Variants in TENM4 observed in about 807,000 individuals in gnomAD.
The protein encoded by TENM4 is teneurin transmembrane protein 4, also known as teneurin-4.
In TENM4, 82 loss-of-function variants were observed where a neutral mutation model predicts 243.3. The observed-to-expected ratio is 0.34, with a 90% CI of 0.28 to 0.40. TENM4 has a LOEUF of 0.40. Among genes scored for constraint, TENM4 ranks in the 10% least tolerant of loss-of-function variants. The pLI, the probability that TENM4 is intolerant of heterozygous loss-of-function variation, is 1.00. For synonymous variants in TENM4, 1,412 were observed against 1,456.3 expected (o/e 0.97, Z 0.69); for missense variants, 3,138 against 3,673.3 (o/e 0.85, Z 3.77).
At chr11:79,117,183 T>C (rs1861639687) in intron 4 of TENM4, among the ~76,000 whole-genome samples, 1 of 152,214 alleles carries the variant, frequency 6.6e-6, no homozygotes, top group South Asian at 2.1e-4. Context: ...ACTTTAGCAG[T>C]AACCACCCCA....
chr11:78,982,659 C>T (rs1220534912), intron 6 of TENM4, among the ~76,000 whole-genome samples: 1 of 152,206 alleles, frequency 6.6e-6, no homozygotes, highest in East Asian at 1.9e-4. Flanking sequence ...CCAGCTGCAA[C>T]ATCCAACAAT....
chr11:78,876,628 G>T (rs1401660599), intron 9 of TENM4, among the ~76,000 whole-genome samples: 1 of 152,336 alleles, frequency 6.6e-6, no homozygotes, highest in Middle Eastern at 3.4e-3. Flanking sequence ...TCAAACTCCA[G>T]TAATATACCT....
At chr11:79,422,963 C>T (rs1379044099) in intron 1 of TENM4, among the ~76,000 whole-genome samples, 1 of 152,184 alleles carries the variant, frequency 6.6e-6, no homozygotes, top group East Asian at 1.9e-4. Context: ...CCATTTGAAT[C>T]AGAGGGAATT....
intron 6 of TENM4, among the ~76,000 whole-genome samples, chr11:79,001,427 A>G (rs1217308046): frequency 3.3e-5 from 5 of 152,110 alleles, no homozygotes; most frequent in African/African-American, 1.2e-4. Context: ...TTGAACAGGC[A>G]AGGAATGGCA....
At chr11:78,907,290 G>C (rs954054877) in intron 6 of TENM4, among the ~76,000 whole-genome samples, 2 of 150,230 alleles carry the variant, frequency 1.3e-5, no homozygotes, top group South Asian at 2.1e-4. Context: ...GGAAGACAGA[G>C]GTGAGAGGCT....
At chr11:78,733,130 ATT>A (rs980958935) in intron 20 of TENM4, among the ~76,000 whole-genome samples, 14 of 152,222 alleles carry the variant, frequency 9.2e-5, no homozygotes, top group African/African-American at 3.1e-4. Flanking sequence ...ATTGTGATAG[ATT>A]ACTCAACAAA....
intron 2 of TENM4, among the ~76,000 whole-genome samples, chr11:79,294,351 G>A (rs1434453316): frequency 2.0e-5 from 3 of 152,132 alleles, no homozygotes; most frequent in African/African-American, 4.8e-5. Context: ...TACCAGCCCC[G>A]TTATTGACTT....
chr11:78,928,840 T>G (rs1301469030), intron 6 of TENM4, among the ~76,000 whole-genome samples: 2 of 152,204 alleles, frequency 1.3e-5, no homozygotes, highest in Non-Finnish European at 2.9e-5. Context: ...AAAGTCTCAT[T>G]TCACTTTTCT....
At chr11:79,100,169 G>T (rs1194653502) in intron 4 of TENM4, among the ~76,000 whole-genome samples, 15 of 152,176 alleles carry the variant, frequency 9.9e-5, no homozygotes, top group Admixed American at 9.8e-4. Context: ...AACATCAAAT[G>T]CTATAACAAA....
chr11:78,886,924 C>T (rs184674927), intron 9 of TENM4, among the ~76,000 whole-genome samples: 20 of 152,366 alleles, frequency 1.3e-4, no homozygotes, highest in Non-Finnish European at 2.6e-4. Flanking sequence ...CTCTTCTCCA[C>T]CTACGTTGTC....
At chr11:79,000,886 C>T (rs1858305400) in intron 6 of TENM4, among the ~76,000 whole-genome samples, 1 of 152,088 alleles carries the variant, frequency 6.6e-6, no homozygotes, top group Admixed American at 6.5e-5. Context: ...CAATAATTAG[C>T]CAGGCCTGGT....
chr11:78,998,952 G>A (rs1335293136), intron 6 of TENM4, among the ~76,000 whole-genome samples: 1 of 152,154 alleles, frequency 6.6e-6, no homozygotes, highest in Admixed American at 6.5e-5. Flanking sequence ...AGGACCCAGT[G>A]GAAATCAAAA....
intron 25 of TENM4, 83 bp from the exon 26 acceptor site, chr11:78,712,797 CT>C: frequency 7.7e-7 from 1 of 1,302,084 alleles, no homozygotes; most frequent in Non-Finnish European, 1.1e-6. Context: ...ACCCCTGGCC[CT>C]TTAGAATCCA....
At chr11:78,919,001 A>G (rs1470011812) in intron 6 of TENM4, among the ~76,000 whole-genome samples, 2 of 152,138 alleles carry the variant, frequency 1.3e-5, no homozygotes, top group Non-Finnish European at 2.9e-5. Context: ...AGATAATTGT[A>G]CCTACTCAGA....
chr11:78,821,130 A>G (rs1272743020), intron 12 of TENM4, among the ~76,000 whole-genome samples: 1 of 152,274 alleles, frequency 6.6e-6, no homozygotes, highest in African/African-American at 2.4e-5. Flanking sequence ...GTTTTCAGTC[A>G]TATCCAGAAG....
chr11:78,989,896 GAA>G (rs200863672), intron 6 of TENM4, among the ~76,000 whole-genome samples: 1 of 149,982 alleles, frequency 6.7e-6, no homozygotes, highest in Non-Finnish European at 1.5e-5. Flanking sequence ...TCTACTAAAA[GAA>G]AAAAAAATAC....
At chr11:78,766,816 C>G (rs1404680832) in intron 18 of TENM4, among the ~76,000 whole-genome samples, 1 of 151,282 alleles carries the variant, frequency 6.6e-6, no homozygotes, top group Non-Finnish European at 1.5e-5. Flanking sequence ...GATTCTCGTG[C>G]CTCAGCCTCC....
At chr11:78,759,580 G>A (rs1449756301) in intron 18 of TENM4, among the ~76,000 whole-genome samples, 1 of 152,218 alleles carries the variant, frequency 6.6e-6, no homozygotes, top group Non-Finnish European at 1.5e-5. Flanking sequence ...CCTGGAAAGA[G>A]CTGCTTCCTG....
At chr11:79,298,287 G>C (rs1212510278) in intron 1 of TENM4, among the ~76,000 whole-genome samples, 2 of 151,854 alleles carry the variant, frequency 1.3e-5, no homozygotes, top group Admixed American at 1.3e-4. Context: ...AGGCCGAGGC[G>C]GGTGGATCAT....
Sources: allele counts gnomAD v4.1 joint callset (sites outside exome capture counted in the v4.1 genomes callset), GRCh38; gene constraint gnomAD v4.1.1; transcripts MANE v1.5; gene names NCBI Gene and HGNC (gene_info 2026-07-23, HGNC 2026-07-21).